The following GTF2E2 variants were observed in gnomAD, a reference collection of about 807,000 sequenced individuals.
GTF2E2 encodes transcription initiation factor IIE subunit beta.
In GTF2E2, 21 loss-of-function variants were observed where a neutral mutation model predicts 40.5. The ratio of observed to expected loss-of-function variants is 0.52; its 90% confidence interval spans 0.37 to 0.75. GTF2E2 has a LOEUF of 0.75. GTF2E2 is among the 30% of genes least tolerant of loss of function. GTF2E2 has a pLI of 0.00. For synonymous variants in GTF2E2, 117 were observed against 121.6 expected (o/e 0.96, Z 0.25); for missense variants, 298 against 338.4 (o/e 0.88, Z 0.94).
Position 30,658,143 on chromosome 8 carries a change from T to TGGCGGCGGTGGCGGCGGC in GTF2E2, c.-176_-175insGCCGCCGCCACCGCCGCC, listed in dbSNP as rs1554565385. On this transcript the variant is annotated 5_prime_UTR_variant, in exon 1 of 8. Coordinates refer to ENST00000355904, the MANE Select transcript of GTF2E2 (RefSeq NM_002095.6). ...CAGGTCGGGGTCTCACCACTGGCGGTGGCGGCGGCGGCGGCGGCAGCGGCG... is the reference window on the plus strand; with the variant it reads ...CAGGTCGGGGTCTCACCACTGGCGGTGGCGGCGGTGGCGGCGGCGGCGGCGGCGGCGGCGGCAGCGGCG... 1 of 184,024 alleles carries TGGCGGCGGTGGCGGCGGC rather than the reference T, an allele frequency of 5.4e-6. No individual in the cohort carries two copies. Among genetic ancestry groups the TGGCGGCGGTGGCGGCGGC allele is most frequent in the African/African-American group, 2.4e-5 (1 of 40,954 alleles). 11.4% of individuals were successfully genotyped at this position (184,024 alleles called of 1,614,324 possible).
intron 6 of GTF2E2, among the ~76,000 whole-genome samples, chr8:30,601,726 A>G (rs1257583158): frequency 3.9e-5 from 6 of 152,214 alleles, no homozygotes; most frequent in Non-Finnish European, 5.9e-5. Flanking sequence ...TGGCACTTTT[A>G]ATAAACTTTT....
chr8:30,604,540 C>A (rs546962429), intron 6 of GTF2E2, among the ~76,000 whole-genome samples: 2 of 152,266 alleles, frequency 1.3e-5, no homozygotes, highest in East Asian at 3.9e-4. Flanking sequence ...GGAATACTAA[C>A]CAGCCATACA....
chr8:30,606,463 T>C (rs1475077361), intron 6 of GTF2E2, among the ~76,000 whole-genome samples: 2 of 152,204 alleles, frequency 1.3e-5, no homozygotes, highest in Non-Finnish European at 2.9e-5. Flanking sequence ...CTTGCTAAAA[T>C]GGCAATTGGT....
intron 3 of GTF2E2, among the ~76,000 whole-genome samples, chr8:30,626,156 C>T (rs1801265194): frequency 1.3e-5 from 2 of 152,198 alleles, no homozygotes; most frequent in South Asian, 4.1e-4. Flanking sequence ...CTTCTTACCA[C>T]TCTGAAATGT....
At chr8:30,630,285 T>C (rs1315263123) in intron 3 of GTF2E2, among the ~76,000 whole-genome samples, 1 of 152,192 alleles carries the variant, frequency 6.6e-6, no homozygotes, top group Non-Finnish European at 1.5e-5. Flanking sequence ...ATGTTCTCAG[T>C]ATTATGACTC....
chr8:30,637,852 T>C (rs56002543), intron 2 of GTF2E2, among the ~76,000 whole-genome samples: 11,379 of 152,288 alleles, frequency 0.075, 497 homozygotes, highest in Non-Finnish European at 0.089. Flanking sequence ...GAAGTCTACA[T>C]AGCATGTACC....
chr8:30,606,943 T>C (rs1158674476), intron 6 of GTF2E2, 114 bp downstream of exon 6: 1 of 467,796 alleles, frequency 2.1e-6, no homozygotes, highest in African/African-American at 2.1e-5. Context: ...TAAGAAATGA[T>C]AATGCTAAAA....
At chr8:30,629,918 T>C (rs1165753707) in intron 3 of GTF2E2, among the ~76,000 whole-genome samples, 1 of 152,074 alleles carries the variant, frequency 6.6e-6, no homozygotes, top group Non-Finnish European at 1.5e-5. Context: ...AATGCTGAAA[T>C]CAAGAGAAAA....
chr8:30,616,880 T>C (rs1800935098), intron 3 of GTF2E2, among the ~76,000 whole-genome samples: 1 of 152,082 alleles, frequency 6.6e-6, no homozygotes, highest in South Asian at 2.1e-4. Flanking sequence ...CTATGAACCC[T>C]TGTATATAGG....
At chr8:30,597,551 A>T (rs1270105412) in intron 6 of GTF2E2, 1 of 152,244 alleles carries the variant, frequency 6.6e-6, no homozygotes, top group East Asian at 1.9e-4. Context: ...CGGGATGTTC[A>T]CTTTGTCTGT....
chr8:30,615,679 A>G (rs1800900541), intron 3 of GTF2E2, among the ~76,000 whole-genome samples: 1 of 152,242 alleles, frequency 6.6e-6, no homozygotes, highest in African/African-American at 2.4e-5. Context: ...CAAAAGCTAG[A>G]GAGGATGCAA....
At chr8:30,637,267 T>G in intron 2 of GTF2E2, 1 of 456,150 alleles carries the variant, frequency 2.2e-6, no homozygotes. Context: ...TATAAACAAC[T>G]GGGAAGACTA....
At chr8:30,602,723 C>T (rs1829216677) in intron 6 of GTF2E2, among the ~76,000 whole-genome samples, 1 of 145,326 alleles carries the variant, frequency 6.9e-6, no homozygotes, top group Admixed American at 7.0e-5. Flanking sequence ...CATTGCACTC[C>T]AGCCTGGGCA....
rs552049096 is a variant in GTF2E2 at position 30,584,164 on chromosome 8, T to A, written c.644-3768A>T. On this transcript the variant is annotated intron_variant, in intron 6 of 7. Coordinates refer to ENST00000355904, the MANE Select transcript of GTF2E2 (RefSeq NM_002095.6). Reference sequence around the variant, plus strand: ...CCAGCTCTAATCACTAAGATTTCCTTCATGTTGGTTCCTATGTCCCTGACT... The same window carrying A: ...CCAGCTCTAATCACTAAGATTTCCTACATGTTGGTTCCTATGTCCCTGACT... Among the ~76,000 whole-genome samples, 12 of 151,732 alleles carry A rather than the reference T, an allele frequency of 7.9e-5. No individual in the cohort carries two copies. In the East Asian group the frequency reaches 2.1e-3, roughly 27 times the overall value.
intron 3 of GTF2E2, among the ~76,000 whole-genome samples, chr8:30,627,382 T>A (rs1432603898): frequency 6.7e-6 from 1 of 148,462 alleles, no homozygotes. Flanking sequence ...TTAGAGAAAC[T>A]GTGTTGGCAT....
intron 2 of GTF2E2, among the ~76,000 whole-genome samples, chr8:30,637,508 AATTTTATTTTATTT>A (rs72101168): frequency 0.71 from 108,234 of 151,694 alleles, 39,086 homozygotes; most frequent in Middle Eastern, 0.77. Flanking sequence ...ATTCATCTAT[AATTTTATTTTATTT>A]ATTTTATTTT....
intron 3 of GTF2E2, among the ~76,000 whole-genome samples, chr8:30,627,701 G>A (rs1195158306): frequency 6.6e-6 from 1 of 152,150 alleles, no homozygotes; most frequent in African/African-American, 2.4e-5. Flanking sequence ...AAAATGATTT[G>A]CTTTATTAAA....
intron 2 of GTF2E2, chr8:30,637,174 A>G (rs535586178): frequency 4.4e-6 from 2 of 454,076 alleles, no homozygotes; most frequent in South Asian, 3.1e-5. Flanking sequence ...GAAACTGGCC[A>G]TTTTGTCAAA....
At chr8:30,651,975 GATC>G (rs1469019339) in intron 2 of GTF2E2, among the ~76,000 whole-genome samples, 1 of 152,154 alleles carries the variant, frequency 6.6e-6, no homozygotes, top group Non-Finnish European at 1.5e-5. Flanking sequence ...ACAGGGGAAA[GATC>G]ATCATTTCAA....
Sources: gnomAD v4.1 joint callset for allele counts (sites outside exome capture counted in the v4.1 genomes callset) on GRCh38, gnomAD v4.1.1 for gene constraint, MANE v1.5 for transcripts, NCBI Gene and HGNC (gene_info 2026-07-23, HGNC 2026-07-21) for gene names.